Variants in GPR39 observed in about 807,000 individuals in gnomAD.
GPR39 encodes zinc sensing receptor.
A neutral mutation model predicts 18.4 loss-of-function variants in GPR39; 23 were observed. The observed-to-expected ratio is 1.25, with a 90% confidence interval of 0.90 to 1.77. GPR39 has a LOEUF of 1.77. Ranked by LOEUF, GPR39 falls within the 40% of genes most tolerant of loss-of-function variation. The probability of loss-of-function intolerance (pLI) is 0.00; values close to 1 mark genes in which losing one functional copy is unlikely to be tolerated. For synonymous variants in GPR39, 280 were observed against 257.9 expected (o/e 1.09, Z -0.82); for missense variants, 647 against 602.4 (o/e 1.07, Z -0.78).
chr2:132,447,080 A>G (rs891197141), intron 1 of GPR39, among the ~76,000 whole-genome samples: 2 of 152,124 alleles, frequency 1.3e-5, no homozygotes, highest in African/African-American at 4.8e-5. Context: ...TTGGTTGTAA[A>G]TTGCTCATTA....
chr2:132,544,684 G>A (rs3115027), intron 1 of GPR39, among the ~76,000 whole-genome samples: 36,339 of 152,086 alleles, frequency 0.24, 4,675 homozygotes, highest in African/African-American at 0.34. Context: ...GCACCAGTCC[G>A]CCAGCATTAC....
intron 1 of GPR39, among the ~76,000 whole-genome samples, chr2:132,626,341 TG>T (rs764986442): frequency 6.7e-4 from 102 of 152,272 alleles, no homozygotes; most frequent in Non-Finnish European, 1.2e-3. Context: ...GGCCCTGGCC[TG>T]GAAGCTGGAG....
At chr2:132,427,082 A>C (rs1282181532) in intron 1 of GPR39, among the ~76,000 whole-genome samples, 1 of 135,992 alleles carries the variant, frequency 7.4e-6, no homozygotes, top group Non-Finnish European at 1.6e-5. Context: ...ACCTATATAT[A>C]TAATATACAT....
chr2:132,619,830 G>GACACACAC (rs59907073), intron 1 of GPR39, among the ~76,000 whole-genome samples: 25 of 138,568 alleles, frequency 1.8e-4, no homozygotes, highest in East Asian at 4.2e-4. Context: ...CACAGACACA[G>GACACACAC]ACACACACAC....
chr2:132,591,061 C>T (rs1001594437), intron 1 of GPR39, among the ~76,000 whole-genome samples: 2 of 150,510 alleles, frequency 1.3e-5, no homozygotes, highest in Admixed American at 1.3e-4. Flanking sequence ...ACCATCCTGG[C>T]TAACAAGGTG....
chr2:132,579,154 C>CT (rs941503124), intron 1 of GPR39, among the ~76,000 whole-genome samples: 92 of 142,708 alleles, frequency 6.4e-4, no homozygotes, highest in African/African-American at 1.5e-3. Flanking sequence ...AAATTTTGAT[C>CT]TTTTTTTTTT....
At chr2:132,576,235 A>C (rs1680525208) in intron 1 of GPR39, among the ~76,000 whole-genome samples, 1 of 152,162 alleles carries the variant, frequency 6.6e-6, no homozygotes, top group Non-Finnish European at 1.5e-5. Flanking sequence ...TGGTCTGAAA[A>C]TATTTTCTCT....
At chr2:132,598,690 G>A (rs888639613) in intron 1 of GPR39, among the ~76,000 whole-genome samples, 3 of 152,016 alleles carry the variant, frequency 2.0e-5, no homozygotes, top group Non-Finnish European at 2.9e-5. Flanking sequence ...CAGTCCACCA[G>A]GGAGCCTAGA....
chr2:132,628,357 G>C (rs1052254791), intron 1 of GPR39, among the ~76,000 whole-genome samples: 25 of 152,132 alleles, frequency 1.6e-4, no homozygotes, highest in African/African-American at 5.8e-4. Flanking sequence ...AGCTCAGAAT[G>C]CCCACAGGCT....
intron 1 of GPR39, among the ~76,000 whole-genome samples, chr2:132,631,773 A>G (rs1681653498): frequency 6.6e-6 from 1 of 151,554 alleles, no homozygotes; most frequent in African/African-American, 2.4e-5. Flanking sequence ...GCCTATGATG[A>G]GTGAGAACAG....
At chr2:132,626,031 C>A (rs190320962) in intron 1 of GPR39, among the ~76,000 whole-genome samples, 2 of 150,826 alleles carry the variant, frequency 1.3e-5, no homozygotes, top group African/African-American at 4.9e-5. Flanking sequence ...ACCTGGGTGG[C>A]GGAGGTTGCA....
chr2:132,426,918 C>T (rs1380900359), intron 1 of GPR39, among the ~76,000 whole-genome samples: 4 of 151,912 alleles, frequency 2.6e-5, no homozygotes, highest in Non-Finnish European at 4.4e-5. Flanking sequence ...GGGGCAGGCC[C>T]AGCTGGGAGT....
intron 1 of GPR39, among the ~76,000 whole-genome samples, chr2:132,508,946 A>G (rs1298739783): frequency 6.6e-6 from 1 of 152,158 alleles, no homozygotes; most frequent in Admixed American, 6.5e-5. Context: ...TACTCATTAA[A>G]TTTGCAAGCT....
At chr2:132,582,084 G>T (rs1457368571) in intron 1 of GPR39, among the ~76,000 whole-genome samples, 1 of 152,202 alleles carries the variant, frequency 6.6e-6, no homozygotes, top group Non-Finnish European at 1.5e-5. Context: ...GGTGTGCTGG[G>T]GATGTGGCCA....
At chr2:132,517,133 C>G (rs1227203356) in intron 1 of GPR39, among the ~76,000 whole-genome samples, 1 of 151,774 alleles carries the variant, frequency 6.6e-6, no homozygotes, top group Non-Finnish European at 1.5e-5. Flanking sequence ...AGCAAAGTCA[C>G]TCCGTTTGTG....
chr2:132,461,357 T>C (rs147466147), intron 1 of GPR39, among the ~76,000 whole-genome samples: 85 of 152,344 alleles, frequency 5.6e-4, no homozygotes, highest in African/African-American at 1.9e-3. Context: ...CCTAGTATCG[T>C]GCTCAAGGTA....
chr2:132,463,370 C>T (rs960468103), intron 1 of GPR39, among the ~76,000 whole-genome samples: 6 of 148,724 alleles, frequency 4.0e-5, no homozygotes, highest in Admixed American at 2.0e-4. Flanking sequence ...CCTCTGTTCT[C>T]TTGCTTGGTG....
At chr2:132,476,387 G>A (rs1485702269) in intron 1 of GPR39, among the ~76,000 whole-genome samples, 2 of 152,184 alleles carry the variant, frequency 1.3e-5, no homozygotes, top group Middle Eastern at 3.4e-3. Flanking sequence ...TGTAATCCCA[G>A]CACTTTGGGA....
intron 1 of GPR39, among the ~76,000 whole-genome samples, chr2:132,615,832 C>T (rs972022388): frequency 6.6e-6 from 1 of 151,976 alleles, no homozygotes; most frequent in Non-Finnish European, 1.5e-5. Flanking sequence ...TTTAAGGAGG[C>T]CTTTACTCTC....
Sources: allele counts gnomAD v4.1 joint callset (sites outside exome capture counted in the v4.1 genomes callset), GRCh38; gene constraint gnomAD v4.1.1; transcripts MANE v1.5; gene names NCBI Gene and HGNC (gene_info 2026-07-23, HGNC 2026-07-21).